Variants in SLC36A1 observed in about 807,000 individuals in gnomAD.
SLC36A1 encodes proton-coupled amino acid transporter 1.
SLC36A1 carries 30 observed loss-of-function variants against 47.5 expected under a neutral mutation model. That is an observed-to-expected ratio of 0.63 (90% CI 0.47 to 0.86). The LOEUF is 0.86. Ranked by LOEUF, SLC36A1 falls within the 40% of genes least tolerant of loss-of-function variation. SLC36A1 has a pLI of 0.00. For missense variants in SLC36A1, 517 were observed against 606.0 expected (o/e 0.85, Z 1.54); for synonymous variants, 255 against 249.7 (o/e 1.02, Z -0.20).
In SLC36A1 at chr5:151,489,065, G is replaced by A. The variant is rs55994027; in HGVS notation, c.*811G>A. 743 of 152,178 alleles carry A rather than the reference G, an allele frequency of 4.9e-3. 4 individuals carry two copies. The highest frequency in any genetic ancestry group is 0.017 in the African/African-American group (710 of 41,520). The allele number at this position is 152,178 out of a possible 1,614,324, so 9.4% of individuals were successfully genotyped here. ...AACTTCTCCTGCTGAAAAGAAGCTC[G>A]CTCCAGATGTCTGCATGGGTCCTCG... On this transcript the variant is annotated 3_prime_UTR_variant, in exon 11 of 11. Coordinates refer to ENST00000243389, the MANE Select transcript of SLC36A1 (RefSeq NM_078483.4). The surrounding 1 kb of genome is among the most constrained non-coding windows in gnomAD (Gnocchi z 4.5).
At chr5:151,542,610 G>A in the SLC36A1 span, 32 of 1,614,202 alleles carry the variant, frequency 2.0e-5, no homozygotes, top group Non-Finnish European at 2.6e-5. Flanking sequence ...TGCTACCAGG[G>A]TCTGCAGACA....
At chr5:151,444,649 C>A (rs1275986726), upstream of SLC36A1, among the ~76,000 whole-genome samples, 2 of 152,120 alleles carry the variant, frequency 1.3e-5, no homozygotes, top group Non-Finnish European at 2.9e-5. Context: ...CCATGCTGGG[C>A]TGACTTTTGT....
At chr5:151,381,105 C>T in the SLC36A1 span, 1 of 500,246 alleles carries the variant, frequency 2.0e-6, no homozygotes, top group South Asian at 1.8e-5. Flanking sequence ...ACCACCTCTG[C>T]CATCCTCCAG....
At chr5:151,370,557 A>G in the SLC36A1 span, among the ~76,000 whole-genome samples, 2 of 152,260 alleles carry the variant, frequency 1.3e-5, no homozygotes, top group Non-Finnish European at 2.9e-5. Context: ...TGTGTATACA[A>G]TAATATTCTT....
the SLC36A1 span, among the ~76,000 whole-genome samples, chr5:151,388,064 G>T: frequency 6.6e-6 from 1 of 152,226 alleles, no homozygotes; most frequent in African/African-American, 2.4e-5. Context: ...TCTACATTCT[G>T]TAGAGAACCC....
At chr5:151,501,351 G>A in the SLC36A1 span, among the ~76,000 whole-genome samples, 1 of 151,022 alleles carries the variant, frequency 6.6e-6, no homozygotes, top group African/African-American at 2.5e-5. Flanking sequence ...TGCCCAGCTG[G>A]ATTGGGAACT....
chr5:151,434,376 G>C (rs1759645860), upstream of SLC36A1, among the ~76,000 whole-genome samples: 1 of 152,138 alleles, frequency 6.6e-6, no homozygotes, highest in African/African-American at 2.4e-5. Flanking sequence ...AATTATAATA[G>C]TTGAAATTTA....
the SLC36A1 span, among the ~76,000 whole-genome samples, chr5:151,368,558 C>T: frequency 4.6e-5 from 7 of 152,280 alleles, no homozygotes; most frequent in South Asian, 4.1e-4. Context: ...TTATTGACTC[C>T]GAATGACCCC....
intron 1 of SLC36A1, among the ~76,000 whole-genome samples, chr5:151,454,871 C>G (rs1285213006): frequency 1.3e-5 from 2 of 152,048 alleles, no homozygotes; most frequent in East Asian, 1.9e-4. Flanking sequence ...CGCTACCACG[C>G]CCGGCTAATT....
At chr5:151,383,246 G>A in the SLC36A1 span, among the ~76,000 whole-genome samples, 2 of 151,944 alleles carry the variant, frequency 1.3e-5, no homozygotes, top group Non-Finnish European at 2.9e-5. Flanking sequence ...TAATAAATAC[G>A]GCAGCAGGGA....
chr5:151,543,763 C>T, the SLC36A1 span: 1 of 1,614,168 alleles, frequency 6.2e-7, no homozygotes, highest in Non-Finnish European at 8.5e-7. Context: ...ATCAGAAGCA[C>T]CTACCCTCAA....
intron 1 of SLC36A1, among the ~76,000 whole-genome samples, chr5:151,455,152 C>A (rs1410418318): frequency 6.6e-6 from 1 of 152,084 alleles, no homozygotes; most frequent in Non-Finnish European, 1.5e-5. Flanking sequence ...GAGCAGATGT[C>A]CACTTACTGG....
chr5:151,391,237 T>C, the SLC36A1 span, among the ~76,000 whole-genome samples: 1 of 152,200 alleles, frequency 6.6e-6, no homozygotes, highest in Non-Finnish European at 1.5e-5. Context: ...ATGCTTCTGA[T>C]TTTTGCACAT....
the SLC36A1 span, among the ~76,000 whole-genome samples, chr5:151,393,469 C>T: frequency 1.3e-5 from 2 of 152,132 alleles, no homozygotes; most frequent in Non-Finnish European, 2.9e-5. Context: ...TTATTTTGCT[C>T]GTCAGTTGAT....
At chr5:151,462,251 A>G (rs916623324) in intron 2 of SLC36A1, among the ~76,000 whole-genome samples, 1 of 152,220 alleles carries the variant, frequency 6.6e-6, no homozygotes, top group Non-Finnish European at 1.5e-5. Flanking sequence ...GATATTATTA[A>G]TATACAATGA....
chr5:151,455,067 A>G (rs928986006), intron 1 of SLC36A1, among the ~76,000 whole-genome samples: 4 of 152,092 alleles, frequency 2.6e-5, no homozygotes, highest in Admixed American at 2.6e-4. Flanking sequence ...GCTGCCTGGA[A>G]GAGAACACAT....
chr5:151,357,100 A>G, the SLC36A1 span, among the ~76,000 whole-genome samples: 1 of 152,246 alleles, frequency 6.6e-6, no homozygotes, highest in Non-Finnish European at 1.5e-5. Flanking sequence ...CTCGAAGTTC[A>G]TCGGTTTAGT....
chr5:151,369,559 T>C, the SLC36A1 span, among the ~76,000 whole-genome samples: 1 of 152,084 alleles, frequency 6.6e-6, no homozygotes, highest in African/African-American at 2.4e-5. Flanking sequence ...TCACTGCAAC[T>C]TCAAACTCTT....
At chr5:151,473,410 C>G (rs1757599617) in intron 7 of SLC36A1, among the ~76,000 whole-genome samples, 2 of 152,026 alleles carry the variant, frequency 1.3e-5, no homozygotes, top group Non-Finnish European at 2.9e-5. Context: ...GAATGTGACT[C>G]TTTTTATGCA....
Sources: gnomAD v4.1 joint callset for allele counts (sites outside exome capture counted in the v4.1 genomes callset) on GRCh38, gnomAD v4.1.1 for gene constraint, Gnocchi (gnomAD v3.1) non-coding constraint, MANE v1.5 for transcripts, NCBI Gene and HGNC (gene_info 2026-07-23, HGNC 2026-07-21) for gene names.